The following AMZ1 variants were observed in gnomAD, a reference collection of about 807,000 sequenced individuals.
The protein encoded by AMZ1 is archaelysin family metallopeptidase 1.
In AMZ1, 39 loss-of-function variants were observed where a neutral mutation model predicts 29.9. That is an observed-to-expected ratio of 1.30 (90% CI 1.01 to 1.70). AMZ1 has a LOEUF of 1.70. Ranked by LOEUF, AMZ1 falls within the 40% of genes most tolerant of loss-of-function variation. The pLI, the probability that AMZ1 is intolerant of heterozygous loss-of-function variation, is 0.00. For missense variants in AMZ1, 1,041 were observed against 680.6 expected (o/e 1.53, Z -5.89); for synonymous variants, 458 against 304.0 (o/e 1.51, Z -5.27).
intron 4 of AMZ1, among the ~76,000 whole-genome samples, chr7:2,743,960 C>T (rs1040697639): frequency 3.9e-5 from 6 of 152,096 alleles, no homozygotes; most frequent in Non-Finnish European, 2.9e-5. Context: ...AAGGCAGCAG[C>T]GAGGCTGGGG....
chr7:2,750,087 G>C (rs1408081906), intron 4 of AMZ1, among the ~76,000 whole-genome samples: 11 of 152,216 alleles, frequency 7.2e-5, no homozygotes. Context: ...GAAACTCATA[G>C]CAAGGATGCT....
chr7:2,732,907 G>C (rs1027352056), intron 4 of AMZ1, among the ~76,000 whole-genome samples: 1 of 152,166 alleles, frequency 6.6e-6, no homozygotes, highest in Non-Finnish European at 1.5e-5. Flanking sequence ...CTAAAACAAA[G>C]CAAAATCAAC....
At chr7:2,756,044 T>C (rs1440951012) in intron 4 of AMZ1, among the ~76,000 whole-genome samples, 1 of 152,196 alleles carries the variant, frequency 6.6e-6, no homozygotes, top group Non-Finnish European at 1.5e-5. Context: ...GTTTTCATAA[T>C]ACCAACTTTC....
rs1408327769 is a variant in AMZ1, at chr7:2,731,888, T to A, written n.550+22072T>A. Reference sequence around the variant, plus strand: ...GTTGAACCAGAAACCAAAAGCAAATTTCATTTATAACATTATCAACTGGCC... The same window carrying A: ...GTTGAACCAGAAACCAAAAGCAAATATCATTTATAACATTATCAACTGGCC... On this transcript the variant is annotated intron_variant and non_coding_transcript_variant, in intron 4 of 4. Coordinates refer to the AMZ1 transcript ENST00000489665. This position sits in a 1 kb window ranked among gnomAD's most constrained non-coding sequence, Gnocchi z 6.0. 1.9e-6 allele frequency: 1 copy of A among 526,734 alleles called. No homozygotes were observed. Among genetic ancestry groups the A allele is most frequent in the Non-Finnish European group, 3.3e-6 (1 of 300,972 alleles). The allele number at this position is 526,734 out of a possible 1,614,324, so 32.6% of individuals were successfully genotyped here.
intron 1 of AMZ1, among the ~76,000 whole-genome samples, chr7:2,690,401 G>T (rs530149689): frequency 3.9e-5 from 6 of 152,144 alleles, no homozygotes; most frequent in Admixed American, 3.3e-4. Flanking sequence ...AAAATGTTTT[G>T]TAGAGACGGG....
chr7:2,749,453 C>A (rs1032082469), intron 4 of AMZ1, among the ~76,000 whole-genome samples: 1 of 145,180 alleles, frequency 6.9e-6, no homozygotes, highest in Non-Finnish European at 1.5e-5. Context: ...TAGGTGGGAA[C>A]TGAACAATGA....
intron 1 of AMZ1, among the ~76,000 whole-genome samples, chr7:2,697,537 C>A (rs550380580): frequency 6.6e-6 from 1 of 152,106 alleles, no homozygotes; most frequent in Non-Finnish European, 1.5e-5. Flanking sequence ...GATCCTTCCA[C>A]GTCAGCCTCC....
intron 1 of AMZ1, among the ~76,000 whole-genome samples, chr7:2,692,870 C>A (rs757734311): frequency 6.6e-6 from 1 of 152,190 alleles, no homozygotes; most frequent in African/African-American, 2.4e-5. Flanking sequence ...TGTTCTTTCC[C>A]CCAATTTGTT....
intron 1 of AMZ1, among the ~76,000 whole-genome samples, chr7:2,688,615 G>C (rs1037860579): frequency 6.6e-6 from 1 of 152,220 alleles, no homozygotes; most frequent in African/African-American, 2.4e-5. Flanking sequence ...GCTTCCCGAT[G>C]GGAGCAAACT....
intron 3 of AMZ1, among the ~76,000 whole-genome samples, chr7:2,705,451 C>T (rs1421331884): frequency 6.6e-6 from 1 of 152,188 alleles, no homozygotes; most frequent in Non-Finnish European, 1.5e-5. Context: ...TTGACACACG[C>T]ATACATCACG....
At position 2,709,798 on chromosome 7, in the gene AMZ1, G is replaced by A. The variant is rs1277336943; in HGVS notation, c.930G>A (p.Arg310=). Residue 310 remains arginine (R), a synonymous_variant, in exon 6 of 7, where the codon AGG becomes AGA. Coordinates refer to ENST00000683327, the MANE Select transcript of AMZ1 (RefSeq NM_001384743.1). Reference sequence around the variant, plus strand: ...AGCTGCAGCATGTCCTGGGTTTCAGGCTCATCGAGAGGTACCAGGTGAGTG... The same window carrying A: ...AGCTGCAGCATGTCCTGGGTTTCAGACTCATCGAGAGGTACCAGGTGAGTG... ...LRKLQHVLGF[R]LIERYQRLYT... is the part of the protein sequence containing the mutation. The A allele has an allele frequency of 6.2e-7, 1 of 1,611,946 alleles. No individual in the cohort carries two copies. The highest frequency in any genetic ancestry group is 8.5e-7 in the Non-Finnish European group (1 of 1,179,850).
At chr7:2,699,486 G>A (rs576393019) in intron 1 of AMZ1, among the ~76,000 whole-genome samples, 41 of 152,228 alleles carry the variant, frequency 2.7e-4, no homozygotes, top group Non-Finnish European at 4.9e-4. Context: ...GGGCCCTCAC[G>A]TGTGTCCTGG....
chr7:2,711,648 T>TG (rs1788786817), intron 6 of AMZ1, among the ~76,000 whole-genome samples: 1 of 152,274 alleles, frequency 6.6e-6, no homozygotes, highest in Non-Finnish European at 1.5e-5. Context: ...CTTGAACTCC[T>TG]GGTTTCAAGT....
At chr7:2,741,249 G>T (rs190992563) in intron 4 of AMZ1, among the ~76,000 whole-genome samples, 165 of 152,252 alleles carry the variant, frequency 1.1e-3, no homozygotes, top group Non-Finnish European at 2.1e-4. Flanking sequence ...CAGCTACCTG[G>T]GAGGCTGAGG....
At chr7:2,741,429 C>T (rs1197232188) in intron 4 of AMZ1, among the ~76,000 whole-genome samples, 2 of 152,244 alleles carry the variant, frequency 1.3e-5, no homozygotes, top group East Asian at 3.9e-4. Flanking sequence ...AGGCTTCCAC[C>T]ACAGAATCTC....
chr7:2,683,246 G>A (rs555239912), upstream of AMZ1, among the ~76,000 whole-genome samples: 103 of 152,298 alleles, frequency 6.8e-4, no homozygotes, highest in Non-Finnish European at 8.4e-4. Flanking sequence ...ATTCTGGAGG[G>A]CAGTGGTCTG....
chr7:2,748,260 T>C (rs1233778933), intron 4 of AMZ1, among the ~76,000 whole-genome samples: 1 of 151,884 alleles, frequency 6.6e-6, no homozygotes, highest in Non-Finnish European at 1.5e-5. Context: ...CTTCAAACTA[T>C]ACTACAAGGC....
At chr7:2,747,139 A>T (rs1378693773) in intron 4 of AMZ1, among the ~76,000 whole-genome samples, 1 of 152,234 alleles carries the variant, frequency 6.6e-6, no homozygotes, top group Non-Finnish European at 1.5e-5. Context: ...CAATCAATAG[A>T]AAAAGAGGGA....
Position 2,713,191 on chromosome 7 carries a change from G to GT in AMZ1, c.*314dup. ...TAGGAGGTCGAGGCTGCAGTGGGAT[G>GT]TGATCATACCACTGTACTGCAGTCT... On this transcript the variant is annotated 3_prime_UTR_variant, in exon 7 of 7. Coordinates refer to ENST00000683327, the MANE Select transcript of AMZ1 (RefSeq NM_001384743.1). The GT allele has an allele frequency of 4.1e-6, 1 of 242,356 alleles. No homozygotes were observed. 15.0% of individuals were successfully genotyped at this position (242,356 alleles called of 1,614,324 possible). A position where few individuals can be genotyped will look rare whatever the true frequency, so the allele number is the denominator to read the frequency against.
Sources: allele counts gnomAD v4.1 joint callset (sites outside exome capture counted in the v4.1 genomes callset), GRCh38; gene constraint gnomAD v4.1.1; non-coding constraint Gnocchi (gnomAD v3.1); transcripts MANE v1.5; gene names NCBI Gene and HGNC (gene_info 2026-07-23, HGNC 2026-07-21).